CECR2: variants seen among roughly 807,000 people sequenced by gnomAD.
CECR2 encodes the protein chromatin remodeling regulator CECR2.
Under a neutral mutation model 154.5 loss-of-function variants are expected in CECR2, and 30 were observed. The observed-to-expected ratio is 0.19, with a 90% CI of 0.15 to 0.26. The LOEUF (loss-of-function observed/expected upper bound fraction) is 0.26, where lower values mean the gene tolerates loss of function less well. CECR2 is among the 10% of genes least tolerant of loss of function. CECR2 has a pLI of 1.00. For missense variants in CECR2, 1,743 were observed against 1,829.3 expected, an observed-to-expected ratio of 0.95 and a Z score of 0.86; for synonymous variants, 725 against 683.7, an observed-to-expected ratio of 1.06 and a Z score of -0.94.
chr22:17,551,908 G>T, intron 17 of CECR2, 123 bp from the exon 18 acceptor site: 1 of 872,040 alleles, frequency 1.1e-6, no homozygotes, highest in South Asian at 1.6e-5. Context: ...GTCCCAGTAT[G>T]GATGATTCCA....
chr22:17,439,415 T>TCC (rs1159654706), intron 1 of CECR2, among the ~76,000 whole-genome samples: 1 of 152,036 alleles, frequency 6.6e-6, no homozygotes, highest in East Asian at 1.9e-4. Context: ...AAGCAACAGA[T>TCC]TTAAGAAAAA....
At chr22:17,511,722 T>A in intron 7 of CECR2, 91 bp from the exon 8 acceptor site, 1 of 1,174,206 alleles carries the variant, frequency 8.5e-7, no homozygotes, top group Non-Finnish European at 1.2e-6. Context: ...CATTGGCCAC[T>A]TTTTTACTGG....
At chr22:17,369,065 C>A (rs2063021913), upstream of CECR2, among the ~76,000 whole-genome samples, 1 of 152,196 alleles carries the variant, frequency 6.6e-6, no homozygotes, top group Non-Finnish European at 1.5e-5. Flanking sequence ...TCAATAATAA[C>A]TGAACTCCCA....
chr22:17,547,809 G>T (rs1295726411), intron 16 of CECR2, among the ~76,000 whole-genome samples: 1 of 152,040 alleles, frequency 6.6e-6, no homozygotes, highest in East Asian at 1.9e-4. Context: ...TCCCCTCCCA[G>T]TGTGTTTCAC....
chr22:17,542,024 GA>G (rs2056531786), intron 15 of CECR2, 57 bp downstream of exon 15: 2 of 1,583,342 alleles, frequency 1.3e-6, no homozygotes, highest in Non-Finnish European at 1.7e-6. Context: ...ACGTTTCAGA[GA>G]AAAAGTCTCT....
intron 9 of CECR2, among the ~76,000 whole-genome samples, chr22:17,530,332 A>T (rs2056335281): frequency 6.6e-6 from 1 of 151,788 alleles, no homozygotes. Flanking sequence ...GAGGACTCAG[A>T]GCTTTTATTT....
At chr22:17,458,399 G>T (rs912964086) in intron 1 of CECR2, among the ~76,000 whole-genome samples, 7 of 147,746 alleles carry the variant, frequency 4.7e-5, no homozygotes, top group African/African-American at 1.8e-4. Flanking sequence ...GGGCGACAGA[G>T]CAAGTCTCTG....
intron 1 of CECR2, among the ~76,000 whole-genome samples, chr22:17,373,044 AT>A (rs1221539535): frequency 6.6e-6 from 1 of 152,076 alleles, no homozygotes; most frequent in African/African-American, 2.4e-5. Flanking sequence ...GGATATTTTT[AT>A]TTTTGTGTGT....
intron 1 of CECR2, among the ~76,000 whole-genome samples, chr22:17,382,643 G>A (rs192663980): frequency 6.5e-4 from 99 of 152,290 alleles, no homozygotes; most frequent in East Asian, 1.9e-3. Flanking sequence ...AGTGGCTCAC[G>A]CCTGTAATCC....
intron 2 of CECR2, among the ~76,000 whole-genome samples, chr22:17,487,773 G>A (rs572608719): frequency 1.7e-4 from 26 of 152,188 alleles, no homozygotes; most frequent in South Asian, 1.5e-3. Context: ...TTTATAGAAC[G>A]CAGACTGATT....
intron 1 of CECR2, among the ~76,000 whole-genome samples, chr22:17,390,756 G>A (rs28649146): frequency 4.6e-5 from 7 of 151,994 alleles, no homozygotes; most frequent in South Asian, 2.1e-4. Context: ...AATGACAGGC[G>A]TGAGCCACCA....
chr22:17,381,384 G>A (rs1030214858), intron 1 of CECR2, among the ~76,000 whole-genome samples: 12 of 151,904 alleles, frequency 7.9e-5, no homozygotes, highest in Non-Finnish European at 1.3e-4. Context: ...TTTTTAACAC[G>A]GAACACTTCA....
At chr22:17,391,185 TGTAA>T (rs2063322052) in intron 1 of CECR2, among the ~76,000 whole-genome samples, 1 of 152,346 alleles carries the variant, frequency 6.6e-6, no homozygotes, top group Non-Finnish European at 1.5e-5. Context: ...ACAGTAATTC[TGTAA>T]TAACATCCAG....
chr22:17,435,549 A>G (rs565885504), intron 1 of CECR2, among the ~76,000 whole-genome samples: 92 of 152,128 alleles, frequency 6.0e-4, no homozygotes, highest in African/African-American at 2.0e-3. Flanking sequence ...CACCTTTTGA[A>G]CTGTGTAACC....
intron 1 of CECR2, among the ~76,000 whole-genome samples, chr22:17,371,657 T>G (rs1481768407): frequency 6.6e-6 from 1 of 152,210 alleles, no homozygotes; most frequent in Non-Finnish European, 1.5e-5. Flanking sequence ...GTGCCGCCTG[T>G]GACAGGGCCA....
chr22:17,519,602 C>T (rs909289630), intron 8 of CECR2, among the ~76,000 whole-genome samples: 5 of 151,862 alleles, frequency 3.3e-5, no homozygotes, highest in African/African-American at 1.2e-4. Flanking sequence ...TGTTCGTGTT[C>T]CATTTGTTTG....
chr22:17,412,208 A>G (rs1218757426), intron 1 of CECR2, among the ~76,000 whole-genome samples: 1 of 152,176 alleles, frequency 6.6e-6, no homozygotes, highest in Non-Finnish European at 1.5e-5. Flanking sequence ...CTGTGGCTGC[A>G]GTTCTGTTTA....
chr22:17,408,991 C>G (rs770154335), intron 1 of CECR2, among the ~76,000 whole-genome samples: 2 of 152,238 alleles, frequency 1.3e-5, no homozygotes, highest in Admixed American at 6.5e-5. Context: ...AGGCTCTGAA[C>G]TCCATAGGGC....
At chr22:17,496,317 G>C (rs2055626688) in intron 2 of CECR2, among the ~76,000 whole-genome samples, 1 of 152,072 alleles carries the variant, frequency 6.6e-6, no homozygotes, top group African/African-American at 2.4e-5. Context: ...TTAACACAGT[G>C]AAACCCGGTC....
Sources: gnomAD v4.1 joint callset for allele counts (sites outside exome capture counted in the v4.1 genomes callset) on GRCh38, gnomAD v4.1.1 for gene constraint, MANE v1.5 for transcripts, NCBI Gene and HGNC (gene_info 2026-07-23, HGNC 2026-07-21) for gene names.